SEMA6D: variants seen among roughly 807,000 people sequenced by gnomAD.
SEMA6D encodes semaphorin 6D.
Under a neutral mutation model 106.6 loss-of-function variants are expected in SEMA6D, and 35 were observed. The ratio of observed to expected loss-of-function variants is 0.33; its 90% CI spans 0.25 to 0.44. The LOEUF (loss-of-function observed/expected upper bound fraction) is 0.44. Ranked by LOEUF, SEMA6D falls within the 20% of genes least tolerant of loss-of-function variation. The pLI is 1.00. For missense variants in SEMA6D, 1,185 were observed against 1,345.9 expected, an observed-to-expected ratio of 0.88 and a Z score of 1.87; for synonymous variants, 499 against 487.7, an observed-to-expected ratio of 1.02 and a Z score of -0.31.
chr15:47,294,370 C>T (rs767956840), intron 1 of SEMA6D, among the ~76,000 whole-genome samples: 5 of 151,904 alleles, frequency 3.3e-5, no homozygotes, highest in Admixed American at 6.6e-5. Context: ...ATTACAGGTG[C>T]GTGCCACCAT....
At chr15:47,612,348 T>C (rs1240347436) in intron 4 of SEMA6D, among the ~76,000 whole-genome samples, 1 of 152,178 alleles carries the variant, frequency 6.6e-6, no homozygotes, top group Non-Finnish European at 1.5e-5. Flanking sequence ...ACAAATACAA[T>C]GCAATCATCA....
chr15:47,493,490 G>C (rs1236006253), intron 3 of SEMA6D, among the ~76,000 whole-genome samples: 1 of 152,094 alleles, frequency 6.6e-6, no homozygotes, highest in Non-Finnish European at 1.5e-5. Flanking sequence ...CCAATGCTGG[G>C]CATTGGAAGA....
chr15:47,726,650 G>A (rs1434359117), intron 1 of SEMA6D, among the ~76,000 whole-genome samples: 3 of 152,168 alleles, frequency 2.0e-5, no homozygotes, highest in African/African-American at 7.2e-5. Flanking sequence ...CCTTATAAAA[G>A]GTGGATGATG....
At chr15:47,517,823 C>T (rs888387121) in intron 3 of SEMA6D, among the ~76,000 whole-genome samples, 1 of 152,160 alleles carries the variant, frequency 6.6e-6, no homozygotes, top group South Asian at 2.1e-4. Flanking sequence ...AATGAAAGTG[C>T]TTTAACCAGC....
chr15:47,500,483 A>G (rs191522707), intron 3 of SEMA6D, among the ~76,000 whole-genome samples: 23 of 152,298 alleles, frequency 1.5e-4, no homozygotes, highest in Admixed American at 7.8e-4. Context: ...TAAGATTGAA[A>G]TCATTTTATA....
chr15:47,654,804 G>T (rs913119534), intron 4 of SEMA6D, among the ~76,000 whole-genome samples: 3 of 152,174 alleles, frequency 2.0e-5, no homozygotes, highest in African/African-American at 7.2e-5. Flanking sequence ...GCTTATTGAG[G>T]TTTCTCCAGA....
intron 4 of SEMA6D, among the ~76,000 whole-genome samples, chr15:47,672,558 T>C (rs1232494944): frequency 2.0e-5 from 3 of 152,216 alleles, no homozygotes; most frequent in Non-Finnish European, 4.4e-5. Flanking sequence ...TAACTTGAAA[T>C]AATTATATTA....
At chr15:47,303,319 A>C (rs1471080085) in intron 1 of SEMA6D, among the ~76,000 whole-genome samples, 1 of 152,170 alleles carries the variant, frequency 6.6e-6, no homozygotes, top group Non-Finnish European at 1.5e-5. Context: ...CTGTATGGCA[A>C]CGACTTGGAT....
At chr15:47,705,142 A>G (rs1265464068) in intron 4 of SEMA6D, among the ~76,000 whole-genome samples, 2 of 152,138 alleles carry the variant, frequency 1.3e-5, no homozygotes, top group East Asian at 1.9e-4. Flanking sequence ...TGAAGCACCT[A>G]TGGGACACAG....
intron 4 of SEMA6D, among the ~76,000 whole-genome samples, chr15:47,686,830 C>G (rs2078480100): frequency 6.6e-6 from 1 of 152,018 alleles, no homozygotes; most frequent in Non-Finnish European, 1.5e-5. Context: ...CTTTGGGGGA[C>G]TGAGGAGGAA....
intron 1 of SEMA6D, among the ~76,000 whole-genome samples, chr15:47,305,185 A>G (rs1357501711): frequency 6.6e-6 from 1 of 152,148 alleles, no homozygotes; most frequent in Non-Finnish European, 1.5e-5. Context: ...GGTGATTATT[A>G]TGTCTTTTAA....
At position 47,470,568 on chromosome 15, in the gene SEMA6D, A is replaced by G. The variant is rs191574251; in HGVS notation, c.-87+23A>G. 13 of 152,132 alleles carry G rather than the reference A, an allele frequency of 8.5e-5. No homozygotes were observed. The East Asian group carries it at 2.1e-3, about 25-fold the overall frequency. The allele number at this position is 152,132 out of a possible 1,614,324, so 9.4% of individuals were successfully genotyped here. A position where few individuals can be genotyped will look rare whatever the true frequency, so the allele number is the denominator to read the frequency against. ...GAGGTAAGGCATGAACTTTTTTGCA[A>G]TTATGTCTCTTCTGCATGGAATGAT... On this transcript the variant is annotated intron_variant, in intron 3 of 19. Transcript: ENST00000558014.
intron 3 of SEMA6D, among the ~76,000 whole-genome samples, chr15:47,493,513 A>G (rs1327690262): frequency 6.6e-6 from 1 of 152,134 alleles, no homozygotes; most frequent in African/African-American, 2.4e-5. Context: ...ATTAGCCACA[A>G]CCCAGCATTC....
rs530183266 is a variant in SEMA6D at position 47,521,362 on chromosome 15, G to A, written c.-87+50817G>A. The stretch of plus-strand genomic sequence containing the variant: ...ATATTGCTCAAGGTTCAGGACACTT[G>A]CATTTCTGAGGGTTGCTTCTTCCCC... On this transcript the variant is annotated intron_variant, in intron 3 of 19. Coordinates refer to the SEMA6D transcript ENST00000558014. Among the ~76,000 whole-genome samples, 14 of 152,254 alleles carry A rather than the reference G, an allele frequency of 9.2e-5. No homozygotes were observed. The South Asian group carries it at 2.5e-3, about 27-fold the overall frequency.
intron 3 of SEMA6D, among the ~76,000 whole-genome samples, chr15:47,561,659 GTATTTTAAATATAGGA>G (rs940109159): frequency 8.0e-5 from 12 of 150,810 alleles, no homozygotes; most frequent in African/African-American, 2.7e-4. Flanking sequence ...TTTTTTAAGG[GTATTTTAAATATAGGA>G]TATTTTAAAT....
At chr15:47,440,414 A>C (rs1366699307) in intron 2 of SEMA6D, among the ~76,000 whole-genome samples, 3 of 152,070 alleles carry the variant, frequency 2.0e-5, no homozygotes, top group African/African-American at 7.2e-5. Flanking sequence ...CTGTGTGACA[A>C]AAAGCTATAG....
At chr15:47,711,430 G>A (rs1203192418) in intron 4 of SEMA6D, among the ~76,000 whole-genome samples, 1 of 152,070 alleles carries the variant, frequency 6.6e-6, no homozygotes, top group East Asian at 1.9e-4. Context: ...ACACTTCGTG[G>A]AACCAAACAA....
chr15:47,677,186 G>A (rs1462917071), intron 4 of SEMA6D, among the ~76,000 whole-genome samples: 6 of 152,148 alleles, frequency 3.9e-5, no homozygotes, highest in Non-Finnish European at 7.3e-5. Context: ...GCGACCTGGA[G>A]GTTGGGGACC....
At chr15:47,629,093 G>A (rs2077250921) in intron 4 of SEMA6D, among the ~76,000 whole-genome samples, 1 of 151,980 alleles carries the variant, frequency 6.6e-6, no homozygotes, top group Non-Finnish European at 1.5e-5. Flanking sequence ...TGATCTATAT[G>A]TCTGTCCCTC....
Sources: allele counts gnomAD v4.1 joint callset (sites outside exome capture counted in the v4.1 genomes callset), GRCh38; gene constraint gnomAD v4.1.1; transcripts MANE v1.5; gene names NCBI Gene and HGNC (gene_info 2026-07-23, HGNC 2026-07-21).